MAG: variants seen among roughly 807,000 people sequenced by gnomAD.
MAG encodes myelin-associated glycoprotein.
MAG carries 30 observed loss-of-function variants against 60.7 expected under a neutral mutation model. The observed-to-expected ratio is 0.49, with a 90% CI of 0.37 to 0.67. The LOEUF is 0.67. Among genes scored for constraint, MAG ranks in the 30% least tolerant of loss-of-function variants. The pLI is 0.00. For missense variants in MAG, 795 were observed against 851.7 expected (o/e 0.93, Z 0.83); for synonymous variants, 384 against 376.8 (o/e 1.02, Z -0.22).
chr19:35,295,530 C>A lies in MAG; in HGVS notation c.46+76C>A, dbSNP rs888206774. On this transcript the variant is annotated intron_variant, in intron 3 of 10. Coordinates refer to ENST00000392213, the MANE Select transcript of MAG (RefSeq NM_002361.4). This position sits in a 1 kb window ranked among gnomAD's most constrained non-coding sequence, Gnocchi z 5.8. ...TTGGAGGTGGGTCCCCGCAGCCCCCCGGCATGTGGTTGGGGATGGGAGCCG... is the reference window on the plus strand; with the variant it reads ...TTGGAGGTGGGTCCCCGCAGCCCCCAGGCATGTGGTTGGGGATGGGAGCCG... 6.7e-5 allele frequency: 108 copies of A among 1,606,510 alleles called. No individual in the cohort carries two copies. The highest frequency in any genetic ancestry group is 8.9e-5 in the Non-Finnish European group (105 of 1,176,226).
intron 1 of MAG, 77 bp downstream of exon 1, chr19:35,292,281 A>G (rs935561733): frequency 1.5e-5 from 7 of 455,774 alleles, no homozygotes; most frequent in African/African-American, 1.0e-4. Context: ...GAGCAGGGTC[A>G]GGTGCTCTGG....
intron 6 of MAG, among the ~76,000 whole-genome samples, chr19:35,301,530 C>T (rs994989034): frequency 6.8e-6 from 1 of 147,136 alleles, no homozygotes; most frequent in African/African-American, 2.5e-5. Context: ...CTTCCCTGTT[C>T]AAGCAATTCT....
At chr19:35,310,671 G>C (rs564105713) in intron 9 of MAG, 28 bp downstream of exon 9, 2 of 1,606,900 alleles carry the variant, frequency 1.2e-6, no homozygotes, top group South Asian at 2.2e-5. Context: ...CTGATCTGGG[G>C]ATGGGAGTCT....
intron 6 of MAG, among the ~76,000 whole-genome samples, chr19:35,301,505 C>T (rs1038142314): frequency 6.9e-6 from 1 of 145,156 alleles, no homozygotes; most frequent in Non-Finnish European, 1.5e-5. Flanking sequence ...AATCTTGGCT[C>T]ACTGCAACCT....
chr19:35,292,316 C>A lies in MAG; in HGVS notation c.-80+112C>A, dbSNP rs192330241. Reference sequence around the variant, plus strand: ...GGTGAGGGAGCATCGCTGTGCACCGCTACTGATTTAGGATGCAGGAGTGTG... The same window carrying A: ...GGTGAGGGAGCATCGCTGTGCACCGATACTGATTTAGGATGCAGGAGTGTG... On this transcript the variant is annotated intron_variant, in intron 1 of 10. Transcript: ENST00000392213. 9.3e-3 allele frequency: 4,205 copies of A among 452,498 alleles called. 41 individuals are homozygous for A. Among genetic ancestry groups the A allele is most frequent in the Non-Finnish European group, 0.015 (3,328 of 224,694 alleles). The allele number at this position is 452,498 out of a possible 1,614,324, so 28.0% of individuals were successfully genotyped here.
chr19:35,294,096 G>A (rs2066378141), intron 1 of MAG, 139 bp from the exon 2 acceptor site: 1 of 251,542 alleles, frequency 4.0e-6, no homozygotes, highest in African/African-American at 3.5e-5. Flanking sequence ...GGCTGTGTGG[G>A]AGGGTCCCAG....
In MAG at chr19:35,295,854, C is replaced by A. The variant is rs750954995; in HGVS notation, c.288C>A (p.Gly96=). Residue 96 remains glycine, a synonymous_variant, in exon 4 of 11, where the codon GGC becomes GGA. Coordinates refer to ENST00000392213, the MANE Select transcript of MAG (RefSeq NM_002361.4). The surrounding 1 kb of genome is among the most constrained non-coding windows in gnomAD (Gnocchi z 5.8). ...QGRSRLLGDL[G]LRNCTLLLSN... ...GCAGCCGCCTCCTGGGGGACCTGGGCCTGCGAAACTGCACCCTCCTGCTCA... is the reference window on the plus strand; with the variant it reads ...GCAGCCGCCTCCTGGGGGACCTGGGACTGCGAAACTGCACCCTCCTGCTCA... 1 of 1,613,948 alleles carries A rather than the reference C, an allele frequency of 6.2e-7. No homozygotes were observed. Among genetic ancestry groups the A allele is most frequent in the African/African-American group, 1.3e-5 (1 of 74,942 alleles).
At position 35,300,232 on chromosome 19, in the gene MAG, C is replaced by A; in HGVS notation, c.798C>A (p.Asn266Lys). Residue 266 changes from asparagine to lysine, a missense_variant, in exon 6 of 11, where the codon AAC (asparagine) becomes AAA (lysine). Coordinates refer to ENST00000392213, the MANE Select transcript of MAG (RefSeq NM_002361.4). Reference sequence around the variant, plus strand: ...GCCTGCTCTGTGGGGCTGACAGCAACCCCCCGCCGCTGCTGACCTGGATGC... The same window carrying A: ...GCCTGCTCTGTGGGGCTGACAGCAAACCCCCGCCGCTGCTGACCTGGATGC... ...HVSLLCGADS[N>K]PPPLLTWMRD... is the part of the protein sequence containing the mutation. The A allele has an allele frequency of 2.5e-6, 4 of 1,583,528 alleles. No homozygotes were observed. The highest frequency in any genetic ancestry group is 3.4e-6 in the Non-Finnish European group (4 of 1,166,292).
intron 1 of MAG, among the ~76,000 whole-genome samples, chr19:35,292,974 C>T (rs940899437): frequency 1.3e-5 from 2 of 152,136 alleles, no homozygotes; most frequent in Non-Finnish European, 2.9e-5. Flanking sequence ...AACAGATCTG[C>T]TGTACATATG....
rs80272536 is a variant in MAG at position 35,312,504 on chromosome 19, C to T, written c.1716+487C>T. 3,484 of 605,946 alleles carry T rather than the reference C, an allele frequency of 5.7e-3. 30 individuals carry two copies. Among genetic ancestry groups the T allele is most frequent in the East Asian group, 0.028 (985 of 35,118 alleles). 37.5% of individuals were successfully genotyped at this position (605,946 alleles called of 1,614,324 possible). ...TGCAGCTCCCTTCTGTCTGTGGCCACCGTCCTGTGTGTCCAAATTCCTGTG... is the reference window on the plus strand; with the variant it reads ...TGCAGCTCCCTTCTGTCTGTGGCCATCGTCCTGTGTGTCCAAATTCCTGTG... On this transcript the variant is annotated intron_variant, in intron 10 of 10. Coordinates refer to ENST00000392213, the MANE Select transcript of MAG (RefSeq NM_002361.4).
intron 7 of MAG, among the ~76,000 whole-genome samples, chr19:35,306,823 T>A (rs2066489257): frequency 6.6e-6 from 1 of 152,154 alleles, no homozygotes. Flanking sequence ...AACCCCCTGG[T>A]TTGCACAGAT....
rs200957534 is a variant in MAG, at chr19:35,309,905, C to T, written c.1263C>T (p.Cys421=). The T allele has an allele frequency of 1.9e-6, 3 of 1,612,936 alleles. No individual in the cohort carries two copies. Among genetic ancestry groups the T allele is most frequent in the East Asian group, 2.2e-5 (1 of 44,902 alleles). ...CTGTGCTCCTCCTGGAGTCCCACTGCGCGGCAGCCCGAGACACGGTGCAGT... is the reference window on the plus strand; with the variant it reads ...CTGTGCTCCTCCTGGAGTCCCACTGTGCGGCAGCCCGAGACACGGTGCAGT... The part of the protein sequence containing the change: ...FAPVLLLESH[C]AAARDTVQCL... Residue 421 remains cysteine (C), a synonymous_variant, in exon 8 of 11, where the codon TGC becomes TGT. Coordinates refer to ENST00000392213, the MANE Select transcript of MAG (RefSeq NM_002361.4).
intron 7 of MAG, among the ~76,000 whole-genome samples, chr19:35,309,264 C>T (rs939626770): frequency 6.6e-6 from 1 of 152,128 alleles, no homozygotes; most frequent in East Asian, 1.9e-4. Flanking sequence ...GAGAGAGGCA[C>T]TAAACCACCA....
chr19:35,310,344 T>G (rs1015712778), intron 8 of MAG, among the ~76,000 whole-genome samples, 183 bp downstream of exon 8: 5 of 152,220 alleles, frequency 3.3e-5, no homozygotes, highest in Non-Finnish European at 2.9e-5. Flanking sequence ...TGCTAGGACC[T>G]TTGAGGCATG....
chr19:35,311,867 G>A (rs753788170), intron 9 of MAG, 51 bp from the exon 10 acceptor site: 1 of 1,317,172 alleles, frequency 7.6e-7, no homozygotes, highest in Non-Finnish European at 1.1e-6. Flanking sequence ...AAAACACGTG[G>A]GGGTGCAGAA....
At position 35,295,472 on chromosome 19, in the gene MAG, C is replaced by T; in HGVS notation, c.46+18C>T. 2.5e-6 allele frequency: 4 copies of T among 1,614,006 alleles called. No individual in the cohort carries two copies. The highest frequency in any genetic ancestry group is 3.4e-6 in the Non-Finnish European group (4 of 1,179,980). On this transcript the variant is annotated intron_variant, in intron 3 of 10. Transcript: ENST00000392213. The surrounding 1 kb of genome is among the most constrained non-coding windows in gnomAD (Gnocchi z 5.8). Reference sequence around the variant, plus strand: ...GATTTCAGGTAACGGCTGACAGGTGCTGGGGACCTAAAGGCTTTGGCCCCT... The same window carrying T: ...GATTTCAGGTAACGGCTGACAGGTGTTGGGGACCTAAAGGCTTTGGCCCCT...
At chr19:35,310,711 G>A in intron 9 of MAG, 68 bp downstream of exon 9, 1 of 1,397,224 alleles carries the variant, frequency 7.2e-7, no homozygotes. Flanking sequence ...GGAGATGGAG[G>A]CCCAGAGTGG....
intron 5 of MAG, 54 bp from the exon 6 acceptor site, chr19:35,300,093 C>G (rs1001350923): frequency 6.8e-7 from 1 of 1,481,382 alleles, no homozygotes; most frequent in Non-Finnish European, 9.0e-7. Context: ...GGAGAGGGCA[C>G]TGGGCCGGTT....
Position 35,313,409 on chromosome 19 carries a change from G to T in MAG, c.1836G>T (p.Thr612=), listed in dbSNP as rs142825621. The T allele has an allele frequency of 5.0e-6, 8 of 1,613,818 alleles. No homozygotes were observed. The highest frequency in any genetic ancestry group is 6.8e-6 in the Non-Finnish European group (8 of 1,179,872). The change falls in exon 11 of 11, where the codon ACG becomes ACT. Residue 612 remains threonine, a synonymous_variant. Transcript: ENST00000392213. Reference sequence around the variant, plus strand: ...AACGGCCCACCAAGGACAGCTACACGCTGACGGAGGAGCTAGCTGAGTATG... The same window carrying T: ...AACGGCCCACCAAGGACAGCTACACTCTGACGGAGGAGCTAGCTGAGTATG... ...LGKRPTKDSY[T]LTEELAEYAE...
Sources: gnomAD v4.1 joint callset for allele counts (sites outside exome capture counted in the v4.1 genomes callset) on GRCh38, gnomAD v4.1.1 for gene constraint, Gnocchi (gnomAD v3.1) non-coding constraint, MANE v1.5 for transcripts, NCBI Gene and HGNC (gene_info 2026-07-23, HGNC 2026-07-21) for gene names.